Variants in GPSM2 observed in about 807,000 individuals in gnomAD.
GPSM2 encodes the protein G protein-signaling modulator 2.
In GPSM2, 58 loss-of-function variants were observed where a neutral mutation model predicts 78.4. The ratio of observed to expected loss-of-function variants is 0.74; its 90% confidence interval spans 0.60 to 0.92. GPSM2 has a LOEUF of 0.92. GPSM2 is among the 40% of genes least tolerant of loss of function. GPSM2 has a pLI of 0.00. For missense variants in GPSM2, 700 were observed against 815.5 expected (o/e 0.86, Z 1.73); for synonymous variants, 224 against 280.2 (o/e 0.80, Z 2.00).
In GPSM2 at chr1:108,898,983, G is replaced by A. The variant is rs771926856; in HGVS notation, c.786G>A (p.Ser262=). 2.9e-5 allele frequency: 45 copies of A among 1,540,518 alleles called. No individual in the cohort carries two copies. The highest frequency in any genetic ancestry group is 6.7e-5 in the East Asian group (3 of 44,502). Residue 262 remains serine, a synonymous_variant, in exon 7 of 15, where the codon TCG becomes TCA. Transcript: ENST00000264126. The part of the protein sequence containing the change: ...YIFLGEFETA[S]EYYKKTLLLA... Reference sequence around the variant, plus strand: ...TTCTTGGTGAATTTGAAACTGCCTCGGAATACTACAAGTTAGTCTAATATT... The same window carrying A: ...TTCTTGGTGAATTTGAAACTGCCTCAGAATACTACAAGTTAGTCTAATATT...
intron 7 of GPSM2, among the ~76,000 whole-genome samples, chr1:108,901,335 C>G (rs533743576): frequency 6.6e-6 from 1 of 152,094 alleles, no homozygotes; most frequent in Non-Finnish European, 1.5e-5. Flanking sequence ...AGAATTTTAC[C>G]TAAGTGGTGA....
intron 12 of GPSM2, among the ~76,000 whole-genome samples, chr1:108,920,163 T>A (rs1650590038): frequency 6.6e-6 from 1 of 150,652 alleles, no homozygotes; most frequent in Non-Finnish European, 1.5e-5. Flanking sequence ...TGAGACCCCA[T>A]CTCAAAAAAA....
At chr1:108,920,451 A>G (rs952817206) in intron 12 of GPSM2, among the ~76,000 whole-genome samples, 1 of 152,166 alleles carries the variant, frequency 6.6e-6, no homozygotes, top group Admixed American at 6.5e-5. Flanking sequence ...CCTGGGTGAC[A>G]GAGTGAGACT....
chr1:108,902,196 C>T lies in GPSM2; in HGVS notation c.953+251C>T, dbSNP rs529248256. Among the ~76,000 whole-genome samples, 15 of 152,134 alleles carry T rather than the reference C, an allele frequency of 9.9e-5. No individual in the cohort carries two copies. In the South Asian group the frequency reaches 3.1e-3, roughly 32 times the overall value. On this transcript the variant is annotated intron_variant, in intron 8 of 14. Coordinates refer to ENST00000264126, the MANE Select transcript of GPSM2 (RefSeq NM_013296.5). ...ACTCAATTACCTCTTCAGAAGTCTT[C>T]CTGGTGAAACCCCGTATCTACTAAA... is the stretch of plus-strand genomic sequence containing the variant.
intron 1 of GPSM2, among the ~76,000 whole-genome samples, chr1:108,882,869 T>C (rs1431377844): frequency 3.9e-5 from 6 of 152,142 alleles, no homozygotes; most frequent in African/African-American, 1.4e-4. Flanking sequence ...TAGCTGCTAT[T>C]TGATGTGTTG....
chr1:108,913,672 G>A (rs1649952192), intron 10 of GPSM2, among the ~76,000 whole-genome samples: 1 of 152,136 alleles, frequency 6.6e-6, no homozygotes, highest in South Asian at 2.1e-4. Context: ...ATTATGAGGG[G>A]AGTTATACAA....
chr1:108,914,549 A>G, intron 11 of GPSM2, 141 bp downstream of exon 11: 1 of 658,776 alleles, frequency 1.5e-6, no homozygotes, highest in East Asian at 2.8e-5. Context: ...AAAAGTCAGA[A>G]AAAGTATAGT....
At chr1:108,896,493 T>G (rs1450409312) in intron 2 of GPSM2, among the ~76,000 whole-genome samples, 1 of 152,182 alleles carries the variant, frequency 6.6e-6, no homozygotes, top group Admixed American at 6.5e-5. Flanking sequence ...GGCCTCACTT[T>G]CCTACATACT....
In GPSM2 at chr1:108,908,672, A is replaced by AAC. The variant is rs199785582; in HGVS notation, c.1192+4423_1192+4424dup. Among the ~76,000 whole-genome samples, 499 of 146,288 alleles carry AAC rather than the reference A, an allele frequency of 3.4e-3. 6 individuals are homozygous for AAC. Among genetic ancestry groups the AAC allele is most frequent in the African/African-American group, 0.012 (484 of 39,000 alleles). On this transcript the variant is annotated intron_variant, in intron 10 of 14. Transcript: ENST00000264126. ...CCGACAGAGAGAGACTCCGTCTCAA[A>AAC]ACACACGTGCGCGCACACACACACA...
intron 8 of GPSM2, 33 bp downstream of exon 8, chr1:108,901,978 T>G (rs762492566): frequency 3.4e-6 from 5 of 1,450,492 alleles, no homozygotes; most frequent in Admixed American, 1.7e-5. Flanking sequence ...ATAACTAAGG[T>G]AAAATATAGA....
intron 2 of GPSM2, 81 bp downstream of exon 2, chr1:108,885,659 C>CTGAA: frequency 1.2e-6 from 1 of 862,834 alleles, no homozygotes; most frequent in Non-Finnish European, 2.0e-6. Flanking sequence ...TTTCAAGTTT[C>CTGAA]AGTTGAAAAT....
intron 11 of GPSM2, among the ~76,000 whole-genome samples, chr1:108,914,819 C>T (rs1690720): frequency 0.36 from 54,388 of 151,970 alleles, 11,351 homozygotes; most frequent in African/African-American, 0.57. Flanking sequence ...AAGCTTTTTT[C>T]CCCAACTACA....
intron 11 of GPSM2, among the ~76,000 whole-genome samples, chr1:108,916,834 G>C (rs1437463864): frequency 6.6e-6 from 1 of 152,136 alleles, no homozygotes; most frequent in African/African-American, 2.4e-5. Context: ...TCTCAACATA[G>C]TAAAGAAGCA....
chr1:108,910,718 C>T (rs1649666180), intron 10 of GPSM2, among the ~76,000 whole-genome samples: 1 of 151,908 alleles, frequency 6.6e-6, no homozygotes, highest in African/African-American at 2.4e-5. Context: ...CAAAAATTAG[C>T]CAGGGGTGGT....
intron 14 of GPSM2, chr1:108,926,664 G>C (rs2101558032): frequency 6.6e-6 from 1 of 152,232 alleles, no homozygotes; most frequent in Non-Finnish European, 1.5e-5. Context: ...GGAAAAAAAT[G>C]ACAATTCAAA....
intron 11 of GPSM2, among the ~76,000 whole-genome samples, chr1:108,915,738 CTTATT>C (rs1157424065): frequency 4.0e-5 from 6 of 151,768 alleles, no homozygotes; most frequent in Admixed American, 2.0e-4. Flanking sequence ...CTTTATTTTA[CTTATT>C]TTATTTAGCC....
At chr1:108,879,856 A>G (rs1034788620) in intron 1 of GPSM2, among the ~76,000 whole-genome samples, 11 of 152,060 alleles carry the variant, frequency 7.2e-5, no homozygotes, top group Non-Finnish European at 2.9e-5. Flanking sequence ...TGCTTCTGCC[A>G]CATGTTCAGA....
intron 9 of GPSM2, 107 bp downstream of exon 9, chr1:108,903,341 T>A: frequency 1.4e-6 from 1 of 691,848 alleles, no homozygotes; most frequent in Non-Finnish European, 2.6e-6. Flanking sequence ...AATAATAAAT[T>A]TGATTATATA....
At chr1:108,917,611 C>CACATATATATATATAT (rs1312607573) in intron 11 of GPSM2, among the ~76,000 whole-genome samples, 3 of 22,694 alleles carry the variant, frequency 1.3e-4, no homozygotes, top group African/African-American at 3.5e-4. Context: ...CACACACACA[C>CACATATATATATATAT]ATATATATAT....
Sources: allele counts gnomAD v4.1 joint callset (sites outside exome capture counted in the v4.1 genomes callset), GRCh38; gene constraint gnomAD v4.1.1; transcripts MANE v1.5; gene names NCBI Gene and HGNC (gene_info 2026-07-23, HGNC 2026-07-21).